AKAP7: variants seen among roughly 807,000 people sequenced by gnomAD.
AKAP7 encodes the protein A-kinase anchoring protein 7, also known as A kinase (PRKA) anchor protein 7.
In AKAP7, 39 loss-of-function variants were observed where a neutral mutation model predicts 39.5. That is an observed-to-expected ratio of 0.99 (90% CI 0.76 to 1.29). The LOEUF (loss-of-function observed/expected upper bound fraction) is 1.29. Ranked by LOEUF, AKAP7 falls within the 50% of genes most tolerant of loss-of-function variation. AKAP7 has a pLI of 0.00. For missense variants in AKAP7, 414 were observed against 407.7 expected (o/e 1.02, Z -0.13); for synonymous variants, 140 against 139.1 (o/e 1.01, Z -0.05).
chr6:131,152,267 A>G (rs1801983317), intron 2 of AKAP7, among the ~76,000 whole-genome samples: 1 of 152,254 alleles, frequency 6.6e-6, no homozygotes, highest in South Asian at 2.1e-4. Flanking sequence ...GCCTGTGGCC[A>G]AATTTTTCTA....
chr6:131,161,257 G>A (rs530965230), intron 3 of AKAP7, among the ~76,000 whole-genome samples: 158 of 152,194 alleles, frequency 1.0e-3, no homozygotes, highest in African/African-American at 2.9e-3. Flanking sequence ...GAGTTACCTA[G>A]CCATATAAGA....
chr6:131,181,321 A>AAGGT (rs1805214575), intron 5 of AKAP7, among the ~76,000 whole-genome samples: 1 of 152,184 alleles, frequency 6.6e-6, no homozygotes, highest in African/African-American at 2.4e-5. Context: ...TGTCATCCTA[A>AAGGT]ACCCCAGCAT....
In AKAP7 at chr6:131,282,747, C is replaced by T. The variant is rs1044042458; in HGVS notation, c.*1021C>T. On this transcript the variant is annotated 3_prime_UTR_variant, in exon 8 of 8. Transcript: ENST00000431975. ...TGGTGAGGAATTAGCAATTTCTTGC[C>T]AAAGAAAATTGATTCTGCCCAATTA... is the stretch of plus-strand genomic sequence containing the variant. 1.2e-5 allele frequency: 7 copies of T among 586,228 alleles called. No homozygotes were observed. Among genetic ancestry groups the T allele is most frequent in the Non-Finnish European group, 1.9e-5 (7 of 370,156 alleles). The allele number at this position is 586,228 out of a possible 1,614,324, so 36.3% of individuals were successfully genotyped here. A position where few individuals can be genotyped will look rare whatever the true frequency, so the allele number is the denominator to read the frequency against.
chr6:131,190,522 A>T (rs184672322), intron 5 of AKAP7, among the ~76,000 whole-genome samples: 55 of 152,078 alleles, frequency 3.6e-4, no homozygotes, highest in Non-Finnish European at 1.2e-4. Flanking sequence ...CGTGCCTGTA[A>T]TCCCAGCTAC....
At chr6:131,126,695 T>A in the AKAP7 span, among the ~76,000 whole-genome samples, 1 of 152,166 alleles carries the variant, frequency 6.6e-6, no homozygotes, top group Admixed American at 6.5e-5. Flanking sequence ...GCTCGTGGCG[T>A]GAATGGGCCA....
intron 7 of AKAP7, among the ~76,000 whole-genome samples, chr6:131,222,476 G>A (rs1438162948): frequency 4.6e-5 from 7 of 150,828 alleles, no homozygotes; most frequent in South Asian, 2.1e-4. Context: ...GCAGTGAGCC[G>A]AGATCACACC....
chr6:131,239,280 G>T (rs993838813), intron 7 of AKAP7, among the ~76,000 whole-genome samples: 9 of 152,236 alleles, frequency 5.9e-5, no homozygotes, highest in Non-Finnish European at 1.0e-4. Context: ...GACGTCAGCT[G>T]TTAGTCTGAT....
At chr6:131,255,420 A>G (rs1208247879) in intron 7 of AKAP7, among the ~76,000 whole-genome samples, 3 of 152,362 alleles carry the variant, frequency 2.0e-5, no homozygotes, top group Non-Finnish European at 2.9e-5. Flanking sequence ...TACCAGAGAA[A>G]CATTTTAACA....
rs149767051 is a variant in AKAP7, at chr6:131,240,711, G to A, written c.850+20903G>A. ...GGGTGTAGGACCCGCCGAGCCAGGC[G>A]CAGGATATAATCTCCTGGTATGCTG... On this transcript the variant is annotated intron_variant, in intron 7 of 7. Coordinates refer to ENST00000431975, the MANE Select transcript of AKAP7 (RefSeq NM_016377.4). Among the ~76,000 whole-genome samples the A allele has an allele frequency of 1.0e-3, 159 of 152,346 alleles. 1 individual carries two copies. The highest frequency in any genetic ancestry group is 1.7e-3 in the Non-Finnish European group (116 of 68,028).
chr6:131,181,646 G>A (rs921303233), intron 5 of AKAP7, among the ~76,000 whole-genome samples: 6 of 152,170 alleles, frequency 3.9e-5, no homozygotes, highest in Non-Finnish European at 5.9e-5. Context: ...ATTCTTGCCT[G>A]TGTATTTAGC....
At chr6:131,207,012 C>A (rs1808171148) in intron 6 of AKAP7, among the ~76,000 whole-genome samples, 1 of 152,156 alleles carries the variant, frequency 6.6e-6, no homozygotes, top group Non-Finnish European at 1.5e-5. Context: ...TAGTCCTGGA[C>A]AAAATCACAT....
chr6:131,275,678 G>C (rs1814686388), intron 7 of AKAP7, among the ~76,000 whole-genome samples: 1 of 152,180 alleles, frequency 6.6e-6, no homozygotes, highest in African/African-American at 2.4e-5. Context: ...TCTTTGATGT[G>C]ACCATATGAG....
At chr6:131,153,308 C>T (rs1562867059) in intron 2 of AKAP7, among the ~76,000 whole-genome samples, 1 of 152,142 alleles carries the variant, frequency 6.6e-6, no homozygotes, top group Non-Finnish European at 1.5e-5. Flanking sequence ...AAACTACACA[C>T]TGTCTGTGAT....
At chr6:131,255,981 C>CTGT (rs145323448) in intron 7 of AKAP7, among the ~76,000 whole-genome samples, 26 of 152,248 alleles carry the variant, frequency 1.7e-4, no homozygotes, top group African/African-American at 6.3e-4. Flanking sequence ...TTAAATGCAA[C>CTGT]TGTTAGAAAA....
chr6:131,125,637 G>A, the AKAP7 span, among the ~76,000 whole-genome samples: 1 of 152,134 alleles, frequency 6.6e-6, no homozygotes, highest in Non-Finnish European at 1.5e-5. Flanking sequence ...ACTTGTCCTT[G>A]CATCCTTCCA....
At chr6:131,184,646 T>G (rs1805638365) in intron 5 of AKAP7, 5 of 765,410 alleles carry the variant, frequency 6.5e-6, no homozygotes, top group Non-Finnish European at 1.2e-5. Flanking sequence ...TGTCCCATCT[T>G]CTTGTTAATC....
At chr6:131,156,526 T>C (rs566822899) in intron 2 of AKAP7, among the ~76,000 whole-genome samples, 15 of 151,912 alleles carry the variant, frequency 9.9e-5, no homozygotes, top group African/African-American at 3.4e-4. Flanking sequence ...TAGTCCCAGC[T>C]ACTTGGAGAG....
rs138197745 is a variant in AKAP7 at position 131,165,190 on chromosome 6, A to G, written c.401A>G (p.Gln134Arg). 1.8e-3 allele frequency: 2,856 copies of G among 1,607,890 alleles called. 6 individuals carry two copies. The highest frequency in any genetic ancestry group is 2.3e-3 in the Non-Finnish European group (2,722 of 1,176,810). The stretch of plus-strand genomic sequence containing the variant: ...TTTCATATTACCCTGCTGGTGATGC[A>G]ATTATTAAATGAAGATGAAGTAAAC... Reference protein sequence around the residue: ...GSFHITLLVMQLLNEDEVNIG... With the variant: ...GSFHITLLVMRLLNEDEVNIG... Residue 134 changes from glutamine (Q) to arginine (R), a missense_variant, in exon 4 of 8, where the codon CAA (glutamine) becomes CGA (arginine). Gln to Arg is a conservative substitution (Grantham distance 43, BLOSUM62 1). Transcript: ENST00000431975.
In AKAP7 at chr6:131,281,487, C is replaced by A. The variant is rs1460539849; in HGVS notation, c.851-43C>A. On this transcript the variant is annotated intron_variant, in intron 7 of 7. Transcript: ENST00000431975. This position sits in a 1 kb window ranked among gnomAD's most constrained non-coding sequence, Gnocchi z 4.0. ...GCCCCTGCATGCCAAGTTTCTATGG[C>A]AATGTGATCTCAGTGACCTCTCTTC... 6.7e-7 allele frequency: 1 copy of A among 1,486,848 alleles called. No individual in the cohort carries two copies. The highest frequency in any genetic ancestry group is 9.0e-7 in the Non-Finnish European group (1 of 1,106,906). The allele number at this position is 1,486,848 out of a possible 1,614,324, so 92.1% of individuals were successfully genotyped here.
Sources: allele counts gnomAD v4.1 joint callset (sites outside exome capture counted in the v4.1 genomes callset), GRCh38; gene constraint gnomAD v4.1.1; non-coding constraint Gnocchi (gnomAD v3.1); transcripts MANE v1.5; gene names NCBI Gene and HGNC (gene_info 2026-07-23, HGNC 2026-07-21).